Variants in KIAA1958 observed in about 807,000 individuals in gnomAD.
KIAA1958 encodes the protein KIAA1958.
In KIAA1958, 14 loss-of-function variants were observed where a neutral mutation model predicts 47.2. The ratio of observed to expected loss-of-function variants is 0.30; its 90% confidence interval spans 0.20 to 0.46. The LOEUF (loss-of-function observed/expected upper bound fraction) is 0.46, where lower values mean the gene tolerates loss of function less well. Among genes scored for constraint, KIAA1958 ranks in the 20% least tolerant of loss-of-function variants. KIAA1958 has a pLI of 1.00. For synonymous variants in KIAA1958, 354 were observed against 353.3 expected (o/e 1.00, Z -0.02); for missense variants, 803 against 909.2 (o/e 0.88, Z 1.50).
intron 1 of KIAA1958, among the ~76,000 whole-genome samples, chr9:112,563,083 C>CTA (rs763563196): frequency 6.6e-4 from 42 of 63,312 alleles, no homozygotes; most frequent in Non-Finnish European, 8.9e-4. Context: ...CTCTCTCTCT[C>CTA]TCTATATATA....
At chr9:112,581,538 C>A (rs367575252) in intron 2 of KIAA1958, among the ~76,000 whole-genome samples, 1 of 152,270 alleles carries the variant, frequency 6.6e-6, no homozygotes, top group East Asian at 1.9e-4. Flanking sequence ...CCAGCCTCCC[C>A]CAAGCCCTCA....
chr9:112,502,041 T>C (rs1453257693), intron 1 of KIAA1958, among the ~76,000 whole-genome samples: 1 of 152,224 alleles, frequency 6.6e-6, no homozygotes, highest in Non-Finnish European at 1.5e-5. Context: ...AAGCTTTTTT[T>C]AAATACTATC....
chr9:112,513,218 T>A (rs1834351662), intron 1 of KIAA1958, among the ~76,000 whole-genome samples: 1 of 130,836 alleles, frequency 7.6e-6, no homozygotes, highest in Non-Finnish European at 1.6e-5. Flanking sequence ...TTGGCCAGGC[T>A]GGTCTGGAAC....
chr9:112,511,602 A>G (rs1225663788), intron 1 of KIAA1958, among the ~76,000 whole-genome samples: 1 of 152,268 alleles, frequency 6.6e-6, no homozygotes, highest in Non-Finnish European at 1.5e-5. Flanking sequence ...AAATAAACTC[A>G]ATGACCTCAG....
chr9:112,656,129 T>G (rs916745666), intron 3 of KIAA1958, among the ~76,000 whole-genome samples: 2 of 152,064 alleles, frequency 1.3e-5, no homozygotes, highest in African/African-American at 4.8e-5. Flanking sequence ...TCCCAGCACT[T>G]TGGGAGGCCT....
intron 1 of KIAA1958, among the ~76,000 whole-genome samples, chr9:112,545,822 T>TTTGTG (rs1478706137): frequency 2.3e-5 from 1 of 44,434 alleles, no homozygotes; most frequent in Non-Finnish European, 4.3e-5. Flanking sequence ...CACAGGTTTC[T>TTTGTG]TTGTTTTTTT....
intron 1 of KIAA1958, among the ~76,000 whole-genome samples, chr9:112,527,936 CAAAA>C (rs34568466): frequency 1.0e-4 from 13 of 124,938 alleles, no homozygotes; most frequent in African/African-American, 1.5e-4. Flanking sequence ...GACCCTTTCT[CAAAA>C]AAAAAAAAAA....
chr9:112,498,811 T>G (rs1239898081), intron 1 of KIAA1958, among the ~76,000 whole-genome samples: 1 of 152,188 alleles, frequency 6.6e-6, no homozygotes, highest in African/African-American at 2.4e-5. Context: ...TTAACCATAT[T>G]CATCCTACAG....
chr9:112,630,913 A>G (rs914589750), intron 2 of KIAA1958, among the ~76,000 whole-genome samples: 11 of 152,242 alleles, frequency 7.2e-5, no homozygotes, highest in African/African-American at 1.7e-4. Context: ...TTATATTTTC[A>G]TAGTATTTAA....
At position 112,642,673 on chromosome 9, in the gene KIAA1958, C is replaced by T. The variant is rs377492259; in HGVS notation, c.1172-2977C>T. Reference sequence around the variant, plus strand: ...TGGCAGAAAAAATCATTCACATCTTCGTTTAGTAGTTCCCGCTTTTTCCTG... The same window carrying T: ...TGGCAGAAAAAATCATTCACATCTTTGTTTAGTAGTTCCCGCTTTTTCCTG... On this transcript the variant is annotated intron_variant, in intron 2 of 3. Coordinates refer to ENST00000337530, the MANE Select transcript of KIAA1958 (RefSeq NM_133465.4). 5.3e-5 allele frequency among the ~76,000 whole-genome samples: 8 copies of T among 152,308 alleles called. 2 individuals carry two copies. The highest frequency in any genetic ancestry group is 1.9e-4 in the African/African-American group (8 of 41,568).
chr9:112,494,030 C>T (rs1159646898), intron 1 of KIAA1958, among the ~76,000 whole-genome samples: 3 of 152,208 alleles, frequency 2.0e-5, no homozygotes, highest in Admixed American at 2.0e-4. Flanking sequence ...CAGAACCAGG[C>T]AGTGGGCTGG....
intron 1 of KIAA1958, among the ~76,000 whole-genome samples, chr9:112,529,232 T>C (rs1834711101): frequency 6.6e-6 from 1 of 152,236 alleles, no homozygotes; most frequent in African/African-American, 2.4e-5. Flanking sequence ...ATATAGGCTT[T>C]AATTTCTAGA....
At chr9:112,504,934 T>A (rs1318250859) in intron 1 of KIAA1958, among the ~76,000 whole-genome samples, 1 of 152,200 alleles carries the variant, frequency 6.6e-6, no homozygotes, top group Non-Finnish European at 1.5e-5. Flanking sequence ...GTACAATACA[T>A]TTTTGTTGAA....
At chr9:112,601,646 A>AAGG (rs1836133174) in intron 2 of KIAA1958, among the ~76,000 whole-genome samples, 1 of 152,200 alleles carries the variant, frequency 6.6e-6, no homozygotes, top group Non-Finnish European at 1.5e-5. Context: ...TTTAATGAAT[A>AAGG]TATGAAGACC....
intron 1 of KIAA1958, among the ~76,000 whole-genome samples, chr9:112,565,121 G>A (rs1403059869): frequency 1.3e-5 from 2 of 152,150 alleles, no homozygotes; most frequent in Non-Finnish European, 2.9e-5. Context: ...AGGCTGATTC[G>A]ATATTTAATG....
At position 112,574,123 on chromosome 9, in the gene KIAA1958, T is replaced by C. The variant is rs773759274; in HGVS notation, c.43T>C (p.Leu15=). Reference sequence around the variant, plus strand: ...TACCTCATCTGAGAATCTGTCCAAATTGGTCAGCTGGGCCCATAGCCATGG... The same window carrying C: ...TACCTCATCTGAGAATCTGTCCAAACTGGTCAGCTGGGCCCATAGCCATGG... ...LHTSSENLSK[L]VSWAHSHGTI... Residue 15 remains leucine, a synonymous_variant, in exon 2 of 4, where the codon TTG becomes CTG. Transcript: ENST00000337530. 1.1e-5 allele frequency: 17 copies of C among 1,609,862 alleles called. No homozygotes were observed. In the East Asian group the frequency reaches 2.9e-4, roughly 27 times the overall value.
intron 2 of KIAA1958, among the ~76,000 whole-genome samples, chr9:112,596,308 T>C (rs1256104039): frequency 6.6e-6 from 1 of 152,194 alleles, no homozygotes. Context: ...TATATCTTTT[T>C]AAAAAATAGT....
At chr9:112,563,583 T>G (rs985859137) in intron 1 of KIAA1958, among the ~76,000 whole-genome samples, 1 of 152,120 alleles carries the variant, frequency 6.6e-6, no homozygotes, top group Non-Finnish European at 1.5e-5. Context: ...TCCTTTACTT[T>G]GCTAAATTCA....
At chr9:112,517,221 C>G (rs1834453614) in intron 1 of KIAA1958, among the ~76,000 whole-genome samples, 1 of 89,912 alleles carries the variant, frequency 1.1e-5, no homozygotes, top group African/African-American at 4.4e-5. Flanking sequence ...CATAGAGAGT[C>G]CAGAAATAGA....
Sources: gnomAD v4.1 joint callset for allele counts (sites outside exome capture counted in the v4.1 genomes callset) on GRCh38, gnomAD v4.1.1 for gene constraint, MANE v1.5 for transcripts, NCBI Gene and HGNC (gene_info 2026-07-23, HGNC 2026-07-21) for gene names.